Variants in C16orf46 observed in about 807,000 individuals in gnomAD.
C16orf46 encodes the protein uncharacterized protein C16orf46.
C16orf46 carries 7 observed loss-of-function variants against 5.5 expected under a neutral mutation model. The ratio of observed to expected loss-of-function variants is 1.28; its 90% confidence interval spans 0.73 to 2.40. The LOEUF (loss-of-function observed/expected upper bound fraction) is 2.40. Ranked by LOEUF, C16orf46 falls within the 30% of genes most tolerant of loss-of-function variation. C16orf46 has a pLI of 0.00. For missense variants in C16orf46, 614 were observed against 476.0 expected (o/e 1.29, Z -2.70); for synonymous variants, 200 against 184.1 (o/e 1.09, Z -0.70).
rs1179465247 is a variant in C16orf46 at position 81,071,625 on chromosome 16, G to A, written c.-127-5344C>T. 3.9e-5 allele frequency among the ~76,000 whole-genome samples: 6 copies of A among 152,108 alleles called. No homozygotes were observed. The East Asian group carries it at 1.2e-3, about 29-fold the overall frequency. ...GCCAGGCGTGGTGGTGTGTGCCTGTGGTCAGAGCTACTAGGGAGGCTGAAG... is the reference window on the plus strand; with the variant it reads ...GCCAGGCGTGGTGGTGTGTGCCTGTAGTCAGAGCTACTAGGGAGGCTGAAG... On this transcript the variant is annotated intron_variant, in intron 1 of 3. Transcript: ENST00000299578.
At position 81,061,989 on chromosome 16, in the gene C16orf46, C is replaced by T. The variant is rs1184997773; in HGVS notation, c.360G>A (p.Glu120=). The change falls in exon 4 of 4, where the codon GAG becomes GAA. Residue 120 remains glutamate, a synonymous_variant. Transcript: ENST00000299578. ...HWSLQTKPPT[E]GGPEKDQSSP... ...TGCTCTGATCCTTCTCTGGGCCCCC[C>T]TCAGTAGGAGGCTTGGTCTGGAGGC... 3 of 1,614,028 alleles carry T rather than the reference C, an allele frequency of 1.9e-6. No individual in the cohort carries two copies. The highest frequency in any genetic ancestry group is 2.2e-5 in the East Asian group (1 of 44,896).
At chr16:81,060,039 C>T (rs1971418659), downstream of C16orf46, among the ~76,000 whole-genome samples, 1 of 152,144 alleles carries the variant, frequency 6.6e-6, no homozygotes, top group Admixed American at 6.5e-5. Context: ...CCGCCCGCCT[C>T]AGCCTCCCAA....
downstream of C16orf46, among the ~76,000 whole-genome samples, chr16:81,056,869 C>G (rs950182103): frequency 6.6e-6 from 1 of 152,066 alleles, no homozygotes; most frequent in Non-Finnish European, 1.5e-5. Context: ...CACACCTGCA[C>G]CAAGGCACCT....
chr16:81,075,195 A>G (rs1429647263), intron 1 of C16orf46, among the ~76,000 whole-genome samples: 1 of 152,034 alleles, frequency 6.6e-6, no homozygotes, highest in Non-Finnish European at 1.5e-5. Context: ...ATCCATTTAG[A>G]TAGTCTTTTT....
At chr16:81,075,147 C>G (rs879935179) in intron 1 of C16orf46, among the ~76,000 whole-genome samples, 1 of 152,130 alleles carries the variant, frequency 6.6e-6, no homozygotes, top group Admixed American at 6.6e-5. Flanking sequence ...AATGACCTGG[C>G]CTATGTTTCT....
At chr16:81,066,683 A>G (rs1036883409) in intron 1 of C16orf46, among the ~76,000 whole-genome samples, 14 of 152,228 alleles carry the variant, frequency 9.2e-5, no homozygotes, top group African/African-American at 3.1e-4. Context: ...TATTCATATA[A>G]TATTTTCTGG....
downstream of C16orf46, among the ~76,000 whole-genome samples, chr16:81,059,827 C>A (rs374430532): frequency 6.7e-6 from 1 of 150,072 alleles, no homozygotes. Flanking sequence ...CTCACTCTGT[C>A]GCCCAGGCTG....
At chr16:81,066,523 G>A (rs1157360335) in intron 1 of C16orf46, among the ~76,000 whole-genome samples, 2 of 152,068 alleles carry the variant, frequency 1.3e-5, no homozygotes, top group East Asian at 1.9e-4. Context: ...TGTAACTGTC[G>A]AGTTTTATTA....
chr16:81,064,064 A>C, intron 2 of C16orf46, 71 bp from the exon 3 acceptor site: 1 of 795,552 alleles, frequency 1.3e-6, no homozygotes. Flanking sequence ...TGCAATACTC[A>C]GGTGAAATAT....
At chr16:81,055,305 AAAAT>A (rs1473264582) in intron 3 of C16orf46, 1 of 152,224 alleles carries the variant, frequency 6.6e-6, no homozygotes, top group Admixed American at 6.5e-5. Flanking sequence ...AAAGGAAAAA[AAAAT>A]AAAGGCTTAG....
At position 81,063,437 on chromosome 16, in the gene C16orf46, A is replaced by C. The variant is rs541892659; in HGVS notation, c.210+309T>G. ...CTCGAGCATGTAACTTTATCTTCCA[A>C]GTGACTCAGTATACTCATCCACAAA... On this transcript the variant is annotated intron_variant, in intron 3 of 3. Coordinates refer to ENST00000299578, the MANE Select transcript of C16orf46 (RefSeq NM_152337.3). Among the ~76,000 whole-genome samples the C allele has an allele frequency of 6.0e-4, 92 of 152,118 alleles. 5 individuals are homozygous for C. In the South Asian group the frequency reaches 0.018, roughly 31 times the overall value.
chr16:81,065,333 G>C (rs1219555347), intron 2 of C16orf46, among the ~76,000 whole-genome samples: 4 of 152,078 alleles, frequency 2.6e-5, no homozygotes, highest in African/African-American at 9.7e-5. Context: ...AGTTAGCCAG[G>C]TGTGGTGGTG....
downstream of C16orf46, among the ~76,000 whole-genome samples, chr16:81,059,962 G>A (rs956986265): frequency 7.9e-5 from 12 of 151,574 alleles, no homozygotes; most frequent in African/African-American, 2.4e-4. Context: ...CTAATTTTTT[G>A]TATTTTTAGT....
chr16:81,055,962 C>A (rs1971285121), intron 3 of C16orf46: 1 of 152,190 alleles, frequency 6.6e-6, no homozygotes, highest in Non-Finnish European at 1.5e-5. Context: ...AAGTGATCCA[C>A]CCACCTCAGC....
Position 81,061,045 on chromosome 16 carries a change from C to CT in C16orf46, c.*115dup. 7.5e-7 allele frequency: 1 copy of CT among 1,329,226 alleles called. No homozygotes were observed. Among genetic ancestry groups the CT allele is most frequent in the Non-Finnish European group, 1.0e-6 (1 of 1,003,606 alleles). The allele number at this position is 1,329,226 out of a possible 1,614,324, so 82.3% of individuals were successfully genotyped here. A position where few individuals can be genotyped will look rare whatever the true frequency, so the allele number is the denominator to read the frequency against. ...GGAGGAAAAGAAGAGTAAAGACAGA[C>CT]TGACGGGGAGGAGAGAAAGAGAGAG... On this transcript the variant is annotated 3_prime_UTR_variant, in exon 4 of 4. Coordinates refer to ENST00000299578, the MANE Select transcript of C16orf46 (RefSeq NM_152337.3).
intron 3 of C16orf46, among the ~76,000 whole-genome samples, chr16:81,062,879 CTTT>C (rs35694573): frequency 7.2e-5 from 10 of 138,352 alleles, no homozygotes; most frequent in South Asian, 2.3e-4. Context: ...TAGTTTTATG[CTTT>C]TTTTTTTTTT....
At chr16:81,063,246 GAAAAAAAAAAAA>G (rs371975396) in intron 3 of C16orf46, among the ~76,000 whole-genome samples, 3 of 100,828 alleles carry the variant, frequency 3.0e-5, no homozygotes, top group Non-Finnish European at 5.9e-5. Context: ...CCATCTCAGG[GAAAAAAAAAAAA>G]AAAAAAAAAA....
chr16:81,058,581 G>C (rs778501943), downstream of C16orf46, among the ~76,000 whole-genome samples: 6 of 152,198 alleles, frequency 3.9e-5, no homozygotes, highest in Non-Finnish European at 7.3e-5. Flanking sequence ...CCATTAAAGA[G>C]TAAAGACCCA....
intron 3 of C16orf46, among the ~76,000 whole-genome samples, chr16:81,055,758 C>T (rs1008017016): frequency 2.6e-5 from 4 of 152,158 alleles, no homozygotes; most frequent in African/African-American, 9.7e-5. Flanking sequence ...GTCGCTCTGT[C>T]ACCCAAGCTG....
Sources: gnomAD v4.1 joint callset for allele counts (sites outside exome capture counted in the v4.1 genomes callset) on GRCh38, gnomAD v4.1.1 for gene constraint, MANE v1.5 for transcripts, NCBI Gene and HGNC (gene_info 2026-07-23, HGNC 2026-07-21) for gene names.